The following HUWE1 variants were observed in gnomAD, a reference collection of about 807,000 sequenced individuals.
HUWE1 encodes the protein HECT, UBA and WWE domain containing E3 ubiquitin protein ligase 1.
In HUWE1, 18 loss-of-function variants were observed where a neutral mutation model predicts 299.4. The observed-to-expected ratio is 0.06, with a 90% confidence interval of 0.04 to 0.09. The LOEUF (loss-of-function observed/expected upper bound fraction) is 0.09. HUWE1 is among the 10% of genes least tolerant of loss of function. HUWE1 has a pLI of 1.00. For missense variants in HUWE1, 1,832 were observed against 3,462.3 expected (o/e 0.53, Z 11.82); for synonymous variants, 1,317 against 1,286.1 (o/e 1.02, Z -0.51).
rs186851676 is a variant in HUWE1, at chrX:53,533,100, G to A, written c.*209C>T. On this transcript the variant is annotated 3_prime_UTR_variant, in exon 84 of 84. Transcript: ENST00000262854. ...GGGATCATGGACGGCATGGAAAGGG[G>A]AGAGAAGGTGAGGAAACAGGCGGCG... is the stretch of plus-strand genomic sequence containing the variant. The A allele has an allele frequency of 2.6e-3, 1,114 of 432,371 alleles. 5 individuals carry two copies. Among genetic ancestry groups the A allele is most frequent in the East Asian group, 0.014 (348 of 25,675 alleles). The allele number at this position is 432,371 out of a possible 1,213,427, so 35.6% of individuals were successfully genotyped here. A position where few individuals can be genotyped will look rare whatever the true frequency, so the allele number is the denominator to read the frequency against.
intron 43 of HUWE1, among the ~76,000 whole-genome samples, chrX:53,578,516 A>G (rs1477873537): frequency 3.6e-5 from 2 of 55,852 alleles, no homozygotes; most frequent in African/African-American, 7.2e-5. Flanking sequence ...CCAGCCGCCC[A>G]GTCCGGGAGG....
At chrX:53,642,143 C>T (rs1320561958) in intron 7 of HUWE1, among the ~76,000 whole-genome samples, 2 of 111,663 alleles carry the variant, frequency 1.8e-5, no homozygotes, top group African/African-American at 6.5e-5. Context: ...GTAACTGAAA[C>T]CATGGCAATC....
chrX:53,647,522 G>A lies in HUWE1; in HGVS notation c.197C>T (p.Ala66Val), dbSNP rs1169205217. Reference sequence around the variant, plus strand: ...ATTCTCCACTGTCTGTCCAGCATCTGCCAGTATTCCATCGAAGCGGTCCAA... The same window carrying A: ...ATTCTCCACTGTCTGTCCAGCATCTACCAGTATTCCATCGAAGCGGTCCAA... ...DLLDRFDGIL[A>V]DAGQTVENMS... The change falls in exon 6 of 84, where the codon GCA becomes GTA. Residue 66 changes from alanine to valine, a missense_variant. This residue lies in a region of HUWE1 where 658 missense variants were observed against 1,282.6 expected (regional missense o/e 0.51). Coordinates refer to ENST00000262854, the MANE Select transcript of HUWE1 (RefSeq NM_031407.7). 8.3e-7 allele frequency: 1 copy of A among 1,209,546 alleles called. No individual in the cohort carries two copies. Among genetic ancestry groups the A allele is most frequent in the Non-Finnish European group, 1.1e-6 (1 of 893,387 alleles).
At position 53,547,717 on chromosome X, in the gene HUWE1, G is replaced by A; in HGVS notation, c.10592C>T (p.Ser3531Leu). Reference sequence around the variant, plus strand: ...AGTCGTGGGGGTAGTCACTGTGGTCGAAGCAGCTACGACAATGGTGGAAAT... The same window carrying A: ...AGTCGTGGGGGTAGTCACTGTGGTCAAAGCAGCTACGACAATGGTGGAAAT... ...TAISTIVVAA[S>L]TTVTTPTTAT... Residue 3531 changes from serine (S) to leucine (L), a missense_variant, in exon 68 of 84, where the codon TCG becomes TTG. Ser to Leu is a moderately radical substitution (Grantham distance 145). Around this residue, in one of 15 missense-constraint regions of HUWE1, gnomAD observed 119 missense variants for 124.6 expected, o/e 0.96. Transcript: ENST00000262854. The A allele has an allele frequency of 1.7e-6, 2 of 1,209,051 alleles. No homozygotes were observed. Among genetic ancestry groups the A allele is most frequent in the Non-Finnish European group, 2.2e-6 (2 of 894,015 alleles).
chrX:53,588,264 T>C (rs1556975064), intron 37 of HUWE1, 118 bp downstream of exon 37: 3 of 725,025 alleles, frequency 4.1e-6, no homozygotes, highest in East Asian at 7.0e-5. Flanking sequence ...ACTGGGCTCA[T>C]GAAATGCAGG....
At chrX:53,538,718 ACACACACTCT>A (rs2061186797) in intron 76 of HUWE1, 107 bp downstream of exon 76, 2 of 694,068 alleles carry the variant, frequency 2.9e-6, no homozygotes, top group Non-Finnish European at 4.3e-6. Context: ...ACACACACAC[ACACACACTCT>A]CTCTCTCTCT....
chrX:53,652,871 A>G (rs1240327372), intron 4 of HUWE1, among the ~76,000 whole-genome samples: 1 of 112,911 alleles, frequency 8.9e-6, no homozygotes, highest in Non-Finnish European at 1.9e-5. Flanking sequence ...AGTGCTGCTC[A>G]TACTCATTAG....
At chrX:53,574,274 C>T (rs781851551) in intron 46 of HUWE1, among the ~76,000 whole-genome samples, 3 of 112,347 alleles carry the variant, frequency 2.7e-5, no homozygotes, top group Non-Finnish European at 5.6e-5. Context: ...TTCTTTCTTC[C>T]GTCTGCCTGG....
chrX:53,645,736 AAT>A (rs1175668846), intron 6 of HUWE1, among the ~76,000 whole-genome samples: 16 of 26,123 alleles, frequency 6.1e-4, no homozygotes, highest in South Asian at 2.6e-3. Flanking sequence ...AAAAAAAAAA[AAT>A]ATATATATAT....
chrX:53,558,921 C>G (rs1556938078), intron 58 of HUWE1, 50 bp downstream of exon 58: 1 of 1,175,968 alleles, frequency 8.5e-7, no homozygotes. Flanking sequence ...ACACGTTTGC[C>G]CTAGCTCTGG....
chrX:53,652,413 C>T lies in HUWE1; in HGVS notation c.45+1650G>A, dbSNP rs782575413. 8.9e-5 allele frequency among the ~76,000 whole-genome samples: 10 copies of T among 112,167 alleles called. No individual in the cohort carries two copies. In the South Asian group the frequency reaches 3.7e-3, roughly 41 times the overall value. ...TTCTAGCATGGTTTCCTAATACTGTCCCTTCTTTCCAATTTATAATCCCTC... is the reference window on the plus strand; with the variant it reads ...TTCTAGCATGGTTTCCTAATACTGTTCCTTCTTTCCAATTTATAATCCCTC... On this transcript the variant is annotated intron_variant, in intron 4 of 83. Transcript: ENST00000262854.
At chrX:53,574,045 T>C (rs2062970826) in intron 46 of HUWE1, 81 bp from the exon 47 acceptor site, 9 of 855,366 alleles carry the variant, frequency 1.1e-5, no homozygotes, top group Non-Finnish European at 1.6e-5. Flanking sequence ...AAGAATGCTA[T>C]TTCTCCTCCA....
intron 3 of HUWE1, among the ~76,000 whole-genome samples, chrX:53,670,092 C>T (rs1440249162): frequency 9.0e-6 from 1 of 111,505 alleles, no homozygotes; most frequent in Non-Finnish European, 1.9e-5. Context: ...AAACACATGG[C>T]CAAATCGAAC....
intron 3 of HUWE1, among the ~76,000 whole-genome samples, chrX:53,677,596 A>T (rs1207085373): frequency 6.4e-5 from 6 of 94,475 alleles, no homozygotes; most frequent in South Asian, 4.8e-4. Flanking sequence ...TTGGAAGTTT[A>T]AAAAAAAAAA....
chrX:53,537,420 A>G, intron 78 of HUWE1, 136 bp downstream of exon 78: 3 of 705,776 alleles, frequency 4.3e-6, no homozygotes, highest in Non-Finnish European at 6.5e-6. Flanking sequence ...AAGATTATCT[A>G]AAACCAGATT....
At chrX:53,547,081 A>C (rs1242772980) in intron 68 of HUWE1, among the ~76,000 whole-genome samples, 2 of 112,249 alleles carry the variant, frequency 1.8e-5, no homozygotes, top group Non-Finnish European at 3.8e-5. Flanking sequence ...ATAAACTCAA[A>C]GAGGACTCTT....
intron 55 of HUWE1, 56 bp downstream of exon 55, chrX:53,561,700 T>C: frequency 1.7e-6 from 2 of 1,207,370 alleles, no homozygotes; most frequent in Non-Finnish European, 2.2e-6. Context: ...TGGCTTACCC[T>C]AGAGAAGGGT....
intron 7 of HUWE1, among the ~76,000 whole-genome samples, chrX:53,643,684 T>C (rs2067770212): frequency 8.9e-6 from 1 of 111,952 alleles, no homozygotes; most frequent in African/African-American, 3.2e-5. Flanking sequence ...TTGCTATTAA[T>C]ACATGGAAGA....
intron 45 of HUWE1, 70 bp downstream of exon 45, chrX:53,575,573 C>A: frequency 9.6e-7 from 1 of 1,041,464 alleles, no homozygotes; most frequent in Non-Finnish European, 1.3e-6. Context: ...CGGGGATAGC[C>A]CTAAATACTG....
Sources: allele counts gnomAD v4.1 joint callset (sites outside exome capture counted in the v4.1 genomes callset), GRCh38; gene constraint gnomAD v4.1.1; regional missense constraint gnomAD v4.1.1; transcripts MANE v1.5; gene names NCBI Gene and HGNC (gene_info 2026-07-23, HGNC 2026-07-21).